The following DISC1 variants were observed in gnomAD, a reference collection of about 807,000 sequenced individuals.
DISC1 encodes the protein disrupted in schizophrenia 1 protein.
DISC1 carries 57 observed loss-of-function variants against 84.5 expected under a neutral mutation model. The observed-to-expected ratio is 0.67, with a 90% CI of 0.55 to 0.84. The LOEUF (loss-of-function observed/expected upper bound fraction) is 0.84. DISC1 is among the 40% of genes least tolerant of loss of function. DISC1 has a pLI of 0.00. For synonymous variants in DISC1, 411 were observed against 415.2 expected, an observed-to-expected ratio of 0.99 and a Z score of 0.12; for missense variants, 1,000 against 1,057.8, an observed-to-expected ratio of 0.95 and a Z score of 0.76.
chr1:232,021,421 C>CT (rs1668953915), intron 11 of DISC1, among the ~76,000 whole-genome samples: 1 of 151,834 alleles, frequency 6.6e-6, no homozygotes, highest in Non-Finnish European at 1.5e-5. Flanking sequence ...ACACATTGAA[C>CT]TAGGAGCCAG....
chr1:231,906,967 T>C (rs920651875), intron 9 of DISC1, among the ~76,000 whole-genome samples: 17 of 152,068 alleles, frequency 1.1e-4, no homozygotes, highest in Non-Finnish European at 2.4e-4. Context: ...GCTTTCTTTC[T>C]TTCTCTTTCT....
intron 4 of DISC1, among the ~76,000 whole-genome samples, chr1:231,752,388 G>A (rs1361851805): frequency 2.0e-5 from 3 of 152,124 alleles, no homozygotes; most frequent in African/African-American, 7.2e-5. Context: ...AGGAACAAGA[G>A]AGAGAGAGAA....
rs1027681720 is a variant in DISC1, at chr1:232,038,566, T to G, written c.*1735T>G. ...TATCTAACCTCAAACTTTCCAAGTT[T>G]AATGGATCGTGAATTTTTTTCATGT... On this transcript the variant is annotated 3_prime_UTR_variant, in exon 13 of 13. Transcript: ENST00000439617. The G allele has an allele frequency of 6.6e-6, 1 of 152,134 alleles. No individual in the cohort carries two copies. Among genetic ancestry groups the G allele is most frequent in the African/African-American group, 2.4e-5 (1 of 41,416 alleles). 9.4% of individuals were successfully genotyped at this position (152,134 alleles called of 1,614,324 possible).
intron 8 of DISC1, chr1:231,813,504 G>A (rs988597084): frequency 4.6e-5 from 7 of 152,242 alleles, no homozygotes; most frequent in Admixed American, 4.6e-4. Context: ...TAGGGGGCTC[G>A]ATCCTCAGCT....
At chr1:231,642,533 T>C (rs1382317273) in intron 1 of DISC1, among the ~76,000 whole-genome samples, 1 of 152,224 alleles carries the variant, frequency 6.6e-6, no homozygotes, top group African/African-American at 2.4e-5. Context: ...ACCAAATGTA[T>C]CATGGACAGT....
intron 8 of DISC1, among the ~76,000 whole-genome samples, chr1:231,817,970 A>G (rs1438552447): frequency 1.3e-5 from 2 of 152,166 alleles, no homozygotes; most frequent in Non-Finnish European, 2.9e-5. Flanking sequence ...CTGCTATAAT[A>G]TGTCATCTCT....
chr1:231,719,576 G>A (rs1441767366), intron 3 of DISC1, among the ~76,000 whole-genome samples: 3 of 152,070 alleles, frequency 2.0e-5, no homozygotes, highest in Non-Finnish European at 2.9e-5. Context: ...GGGATAATAG[G>A]GTTGTTTGGA....
At chr1:231,752,474 G>A (rs2074710790) in intron 4 of DISC1, among the ~76,000 whole-genome samples, 4 of 152,142 alleles carry the variant, frequency 2.6e-5, no homozygotes. Context: ...CCAGAGGATG[G>A]TGCTAAACCA....
chr1:231,838,049 AAAAAG>A (rs2082750007), intron 9 of DISC1, among the ~76,000 whole-genome samples: 1 of 152,222 alleles, frequency 6.6e-6, no homozygotes, highest in Admixed American at 6.5e-5. Flanking sequence ...AAAGATAGAT[AAAAAG>A]TCCTGGATTC....
intron 1 of DISC1, among the ~76,000 whole-genome samples, chr1:231,640,525 G>A (rs942870694): frequency 1.2e-4 from 17 of 136,408 alleles, no homozygotes; most frequent in Non-Finnish European, 2.0e-4. Context: ...AGACCTCCTT[G>A]GTATTTTTTT....
Position 231,771,002 on chromosome 1 carries a change from C to G in DISC1, c.1566C>G (p.Ala522=), listed in dbSNP as rs780298848. ...GTCAGCTGCAGGAGGTCAGCAAGGC[C>G]TTGCAGGACACCCTGGCCTCAGCCG... ...SLGQLQEVSK[A]LQDTLASAGQ... is the part of the protein sequence containing the mutation. Residue 522 remains alanine (A), a synonymous_variant, in exon 6 of 13, where the codon GCC becomes GCG. Coordinates refer to ENST00000439617, the MANE Select transcript of DISC1 (RefSeq NM_018662.3). 6.2e-7 allele frequency: 1 copy of G among 1,613,212 alleles called. No individual in the cohort carries two copies. Among genetic ancestry groups the G allele is most frequent in the Non-Finnish European group, 8.5e-7 (1 of 1,179,586 alleles).
At chr1:231,868,672 A>T (rs2085221689) in intron 9 of DISC1, among the ~76,000 whole-genome samples, 1 of 145,212 alleles carries the variant, frequency 6.9e-6, no homozygotes, top group Non-Finnish European at 1.5e-5. Flanking sequence ...AGGCTGGGCA[A>T]CATAGCAAGA....
Position 231,880,002 on chromosome 1 carries a change from C to T in DISC1, c.1981+61485C>T, listed in dbSNP as rs115420515. ...GTTTGAATGTTTGTGCCTTCCAAAA[C>T]TCATGTTGAAATTTAATCCCCAATG... On this transcript the variant is annotated intron_variant, in intron 9 of 12. Transcript: ENST00000439617. Among the ~76,000 whole-genome samples, 353 of 152,246 alleles carry T rather than the reference C, an allele frequency of 2.3e-3. 2 individuals carry two copies. The highest frequency in any genetic ancestry group is 8.1e-3 in the African/African-American group (337 of 41,546).
At chr1:231,821,523 A>T (rs2081495155) in intron 9 of DISC1, among the ~76,000 whole-genome samples, 1 of 152,226 alleles carries the variant, frequency 6.6e-6, no homozygotes, top group Non-Finnish European at 1.5e-5. Context: ...AGACTTCAGG[A>T]TAACACATTT....
In DISC1 at chr1:231,963,114, A is replaced by T. The variant is rs570825462; in HGVS notation, c.2042+4226A>T. Reference sequence around the variant, plus strand: ...CACAAGGCTGCCCGATGTCCTAAGCATAAAGCCTAAATGCCTTACCATGGT... The same window carrying T: ...CACAAGGCTGCCCGATGTCCTAAGCTTAAAGCCTAAATGCCTTACCATGGT... On this transcript the variant is annotated intron_variant, in intron 10 of 12. Transcript: ENST00000439617. Among the ~76,000 whole-genome samples, 7 of 152,266 alleles carry T rather than the reference A, an allele frequency of 4.6e-5. No homozygotes were observed. The East Asian group carries it at 1.4e-3, about 29-fold the overall frequency.
rs2063088396 is a variant in DISC1 at position 231,675,817 on chromosome 1, A to G, written c.68-18009A>G. ...CCATTTTTCTGTTCCAAATAGCTCT[A>G]GTCTGCTGGTATATTGTATTTGTTT... is the stretch of plus-strand genomic sequence containing the variant. On this transcript the variant is annotated intron_variant, in intron 1 of 12. Transcript: ENST00000439617. The surrounding 1 kb of genome is among the most constrained non-coding windows in gnomAD (Gnocchi z 4.1). 6.7e-6 allele frequency among the ~76,000 whole-genome samples: 1 copy of G among 150,358 alleles called. No individual in the cohort carries two copies. The highest frequency in any genetic ancestry group is 1.5e-5 in the Non-Finnish European group (1 of 67,702).
chr1:231,924,442 G>A (rs2090209109), intron 9 of DISC1, among the ~76,000 whole-genome samples: 1 of 152,194 alleles, frequency 6.6e-6, no homozygotes, highest in South Asian at 2.1e-4. Context: ...ATCTATTGAA[G>A]CCTTTGTGCG....
chr1:231,824,699 G>A (rs1319480078), intron 9 of DISC1, among the ~76,000 whole-genome samples: 2 of 152,164 alleles, frequency 1.3e-5, no homozygotes, highest in African/African-American at 4.8e-5. Flanking sequence ...GATGTAGGGG[G>A]TGTCAGTTTA....
At chr1:231,665,103 A>C (rs2061904714) in intron 1 of DISC1, among the ~76,000 whole-genome samples, 1 of 152,214 alleles carries the variant, frequency 6.6e-6, no homozygotes, top group African/African-American at 2.4e-5. Context: ...TGCAGTATTA[A>C]ATCATAATTG....
Sources: gnomAD v4.1 joint callset for allele counts (sites outside exome capture counted in the v4.1 genomes callset) on GRCh38, gnomAD v4.1.1 for gene constraint, Gnocchi (gnomAD v3.1) non-coding constraint, MANE v1.5 for transcripts, NCBI Gene and HGNC (gene_info 2026-07-23, HGNC 2026-07-21) for gene names.